The following ELP4 variants were observed in gnomAD, a reference collection of about 807,000 sequenced individuals.
ELP4 encodes the protein elongator complex protein 4.
In ELP4, 51 loss-of-function variants were observed where a neutral mutation model predicts 48.9. The observed-to-expected ratio is 1.04, with a 90% confidence interval of 0.83 to 1.32. The LOEUF is 1.32. Among genes scored for constraint, ELP4 ranks in the 40% most tolerant of loss-of-function variants. ELP4 has a pLI of 0.00. For missense variants in ELP4, 519 were observed against 514.6 expected (o/e 1.01, Z -0.08); for synonymous variants, 210 against 189.2 (o/e 1.11, Z -0.90).
At chr11:31,580,756 CAA>C (rs1466010266) in intron 3 of ELP4, 1 of 152,378 alleles carries the variant, frequency 6.6e-6, no homozygotes, top group Non-Finnish European at 1.5e-5. Context: ...CTCCAGGACT[CAA>C]GAGATCTTCC....
chr11:31,569,034 G>A (rs531352922), intron 3 of ELP4, among the ~76,000 whole-genome samples: 6 of 151,140 alleles, frequency 4.0e-5, no homozygotes, highest in African/African-American at 9.7e-5. Context: ...GCAGTGAGCC[G>A]AGATCGTGCC....
At chr11:31,694,136 T>C (rs1946346792) in intron 9 of ELP4, among the ~76,000 whole-genome samples, 1 of 152,216 alleles carries the variant, frequency 6.6e-6, no homozygotes, top group African/African-American at 2.4e-5. Flanking sequence ...GATGGTAGTT[T>C]CTTTTGCTGT....
chr11:31,652,139 A>T (rs1945333302), intron 9 of ELP4: 1 of 151,714 alleles, frequency 6.6e-6, no homozygotes, highest in Non-Finnish European at 1.5e-5. Flanking sequence ...ACAAAACACA[A>T]ATAGACTGTT....
chr11:31,769,992 T>C (rs931656520), intron 9 of ELP4, among the ~76,000 whole-genome samples: 2 of 152,188 alleles, frequency 1.3e-5, no homozygotes, highest in Non-Finnish European at 2.9e-5. Context: ...GGAAAGGTAC[T>C]TCCTAGGCAA....
At chr11:31,702,580 G>A (rs1323732221) in intron 9 of ELP4, among the ~76,000 whole-genome samples, 1 of 152,058 alleles carries the variant, frequency 6.6e-6, no homozygotes, top group African/African-American at 2.4e-5. Context: ...TTACCACTGT[G>A]TATATATTTA....
chr11:31,786,449 CAAAA>C lies in ELP4; in HGVS notation c.*2928_*2931del, dbSNP rs1565163718. 1 of 219,474 alleles carries C rather than the reference CAAAA, an allele frequency of 4.6e-6. No homozygotes were observed. Among genetic ancestry groups the C allele is most frequent in the Non-Finnish European group, 9.1e-6 (1 of 109,528 alleles). 13.6% of individuals were successfully genotyped at this position (219,474 alleles called of 1,614,324 possible). A position where few individuals can be genotyped will look rare whatever the true frequency, so the allele number is the denominator to read the frequency against. ...AGTACCAAGCCAAAACACAGAAAAA[CAAAA>C]AAGCAGATGAGGTTTATTCTTGAGA... On this transcript the variant is annotated 3_prime_UTR_variant, in exon 10 of 10. Coordinates refer to ENST00000640961, the MANE Select transcript of ELP4 (RefSeq NM_019040.5).
At chr11:31,739,964 ATT>A (rs1363303928) in intron 9 of ELP4, among the ~76,000 whole-genome samples, 2 of 152,188 alleles carry the variant, frequency 1.3e-5, no homozygotes, top group African/African-American at 4.8e-5. Flanking sequence ...TAATCAAGAA[ATT>A]TTTTTCTCTC....
At chr11:31,736,012 T>C (rs1249736883) in intron 9 of ELP4, among the ~76,000 whole-genome samples, 3 of 152,086 alleles carry the variant, frequency 2.0e-5, no homozygotes, top group East Asian at 1.9e-4. Context: ...GAGCCCGCAT[T>C]GCCAAGTCAA....
At chr11:31,729,527 A>T (rs1294078780) in intron 9 of ELP4, among the ~76,000 whole-genome samples, 1 of 152,214 alleles carries the variant, frequency 6.6e-6, no homozygotes, top group Admixed American at 6.5e-5. Flanking sequence ...ATCTCAAAAA[A>T]ACATTTTTGT....
At chr11:31,687,555 A>C (rs1200953678) in intron 9 of ELP4, 3 of 152,288 alleles carry the variant, frequency 2.0e-5, no homozygotes, top group Admixed American at 6.5e-5. Flanking sequence ...CCTTAATTAC[A>C]TGTAGTTGGT....
At chr11:31,632,476 AT>A in intron 7 of ELP4, 71 bp downstream of exon 7, 1 of 1,252,152 alleles carries the variant, frequency 8.0e-7, no homozygotes, top group Non-Finnish European at 1.1e-6. Flanking sequence ...TTTAGTTTGC[AT>A]TTCCATGATA....
At chr11:31,672,788 C>G (rs2134109272) in intron 9 of ELP4, among the ~76,000 whole-genome samples, 1 of 151,210 alleles carries the variant, frequency 6.6e-6, no homozygotes, top group South Asian at 2.1e-4. Context: ...GACCCTGTCT[C>G]AAAATAAAAA....
intron 9 of ELP4, among the ~76,000 whole-genome samples, chr11:31,689,802 T>G (rs188424370): frequency 6.6e-6 from 1 of 152,312 alleles, no homozygotes; most frequent in African/African-American, 2.4e-5. Context: ...TTCAGTTTTC[T>G]CACCTATTAA....
At chr11:31,761,728 C>G (rs948242302) in intron 9 of ELP4, among the ~76,000 whole-genome samples, 1 of 152,114 alleles carries the variant, frequency 6.6e-6, no homozygotes, top group Non-Finnish European at 1.5e-5. Context: ...GAAGGAGTAT[C>G]TTAGTAAATA....
intron 9 of ELP4, among the ~76,000 whole-genome samples, chr11:31,683,488 C>G (rs1407758342): frequency 6.6e-6 from 1 of 152,112 alleles, no homozygotes; most frequent in Non-Finnish European, 1.5e-5. Flanking sequence ...TACTGCAGGA[C>G]AGATGAAACA....
chr11:31,637,142 G>A (rs891721271), intron 7 of ELP4, among the ~76,000 whole-genome samples: 2 of 151,780 alleles, frequency 1.3e-5, no homozygotes, highest in African/African-American at 4.8e-5. Context: ...TCCCTGCTGT[G>A]TAGTTGTTCC....
intron 7 of ELP4, 107 bp downstream of exon 7, chr11:31,632,512 A>G: frequency 1.1e-6 from 1 of 898,922 alleles, no homozygotes; most frequent in Non-Finnish European, 1.6e-6. Context: ...CCATCTTTTC[A>G]GGTGCTTTCT....
intron 9 of ELP4, chr11:31,719,646 A>G (rs1946917423): frequency 2.5e-6 from 1 of 392,898 alleles, no homozygotes; most frequent in African/African-American, 2.1e-5. Flanking sequence ...TTTATGTAAA[A>G]AAGAAATATA....
At chr11:31,773,681 C>T (rs1252282992) in intron 9 of ELP4, among the ~76,000 whole-genome samples, 2 of 152,144 alleles carry the variant, frequency 1.3e-5, no homozygotes, top group African/African-American at 4.8e-5. Context: ...ACTGTGCTTG[C>T]CAGTTGTGGT....
Sources: allele counts gnomAD v4.1 joint callset (sites outside exome capture counted in the v4.1 genomes callset), GRCh38; gene constraint gnomAD v4.1.1; transcripts MANE v1.5; gene names NCBI Gene and HGNC (gene_info 2026-07-23, HGNC 2026-07-21).